Variants in SPIRE1 observed in about 807,000 individuals in gnomAD.
SPIRE1 encodes protein spire homolog 1.
Under a neutral mutation model 94.1 loss-of-function variants are expected in SPIRE1, and 40 were observed. The observed-to-expected ratio is 0.43, with a 90% CI of 0.33 to 0.55. The LOEUF (loss-of-function observed/expected upper bound fraction) is 0.55, where lower values mean the gene tolerates loss of function less well. SPIRE1 is among the 20% of genes least tolerant of loss of function. The pLI is 0.06. For missense variants in SPIRE1, 838 were observed against 975.2 expected, an observed-to-expected ratio of 0.86 and a Z score of 1.87; for synonymous variants, 376 against 371.7, an observed-to-expected ratio of 1.01 and a Z score of -0.13.
intron 6 of SPIRE1, among the ~76,000 whole-genome samples, chr18:12,501,072 C>CAAAAAAAAAAAA (rs67894900): frequency 6.1e-3 from 485 of 80,084 alleles, no homozygotes; most frequent in South Asian, 0.01. Context: ...AACTCTGTCT[C>CAAAAAAAAAAAA]AAAAAAAAAA....
chr18:12,660,116 C>T (rs1401234654), upstream of SPIRE1, among the ~76,000 whole-genome samples: 2 of 152,092 alleles, frequency 1.3e-5, no homozygotes, highest in African/African-American at 4.8e-5. Context: ...CTTTGCCTTA[C>T]CCACCAGTAA....
At chr18:12,523,857 T>A (rs552200507) in intron 4 of SPIRE1, among the ~76,000 whole-genome samples, 34 of 152,276 alleles carry the variant, frequency 2.2e-4, no homozygotes, top group African/African-American at 7.2e-4. Context: ...TTAATTTTTT[T>A]AAAAACTATT....
rs2031913588 is a variant in SPIRE1, at chr18:12,462,644, G to C, written c.1638+707C>G. 2.6e-5 allele frequency among the ~76,000 whole-genome samples: 4 copies of C among 152,116 alleles called. 1 individual carries two copies. The South Asian group carries it at 8.3e-4, about 32-fold the overall frequency. Reference sequence around the variant, plus strand: ...GCCCCAAATATCACAAAACATACTAGAAAACAATGTACAGTAGTTATTAAT... The same window carrying C: ...GCCCCAAATATCACAAAACATACTACAAAACAATGTACAGTAGTTATTAAT... On this transcript the variant is annotated intron_variant, in intron 12 of 16. Transcript: ENST00000409402.
intron 9 of SPIRE1, 137 bp from the exon 10 acceptor site, chr18:12,480,008 T>A (rs1270666469): frequency 1.5e-6 from 1 of 654,474 alleles, no homozygotes; most frequent in Non-Finnish European, 2.4e-6. Flanking sequence ...TATAGAAAAC[T>A]TCTTCTGGTT....
At chr18:12,523,372 A>G (rs1454504045) in intron 4 of SPIRE1, among the ~76,000 whole-genome samples, 1 of 152,258 alleles carries the variant, frequency 6.6e-6, no homozygotes, top group Non-Finnish European at 1.5e-5. Flanking sequence ...TGCTGTGCAC[A>G]TTATTGACAT....
intron 4 of SPIRE1, chr18:12,516,310 C>G (rs2144061875): frequency 6.6e-6 from 1 of 152,316 alleles, no homozygotes; most frequent in South Asian, 2.1e-4. Flanking sequence ...ATCTCCTGGC[C>G]ACTGTGACTG....
At chr18:12,485,271 A>AT (rs1270262660) in intron 9 of SPIRE1, among the ~76,000 whole-genome samples, 2 of 151,774 alleles carry the variant, frequency 1.3e-5, no homozygotes, top group Admixed American at 6.6e-5. Flanking sequence ...CGCCTGGCTA[A>AT]TTTTTTTGTA....
chr18:12,522,493 A>G (rs2144105459), intron 4 of SPIRE1, among the ~76,000 whole-genome samples: 1 of 152,386 alleles, frequency 6.6e-6, no homozygotes, highest in South Asian at 2.1e-4. Context: ...TAAATTATCA[A>G]GAAGATGTAG....
At chr18:12,492,057 C>T (rs187899613) in intron 8 of SPIRE1, among the ~76,000 whole-genome samples, 1 of 152,318 alleles carries the variant, frequency 6.6e-6, no homozygotes, top group African/African-American at 2.4e-5. Context: ...TGATAAGGCT[C>T]TATCTAGCAG....
At chr18:12,472,040 C>T (rs1304498854) in intron 10 of SPIRE1, among the ~76,000 whole-genome samples, 1 of 152,118 alleles carries the variant, frequency 6.6e-6, no homozygotes, top group Non-Finnish European at 1.5e-5. Flanking sequence ...CCACCTTGGC[C>T]TCCCAAAGTG....
chr18:12,452,518 A>C lies in SPIRE1; in HGVS notation c.1848-6T>G. ...AACACTGTGAGCACACCGGCCTGTAAACAAAATCATAAATGTTATTTGGCA... is the reference window on the plus strand; with the variant it reads ...AACACTGTGAGCACACCGGCCTGTACACAAAATCATAAATGTTATTTGGCA... On this transcript the variant is annotated splice_region_variant and splice_polypyrimidine_tract_variant and intron_variant, in intron 14 of 16. Transcript: ENST00000409402. 6.2e-7 allele frequency: 1 copy of C among 1,613,876 alleles called. No individual in the cohort carries two copies. Among genetic ancestry groups the C allele is most frequent in the South Asian group, 1.1e-5 (1 of 91,084 alleles).
At chr18:12,520,923 G>C (rs2034338620) in intron 4 of SPIRE1, among the ~76,000 whole-genome samples, 1 of 152,178 alleles carries the variant, frequency 6.6e-6, no homozygotes, top group African/African-American at 2.4e-5. Flanking sequence ...TTGAAGTCAT[G>C]TCACAAACAG....
chr18:12,473,875 T>C (rs9963004), intron 10 of SPIRE1, among the ~76,000 whole-genome samples: 111 of 152,328 alleles, frequency 7.3e-4, no homozygotes, highest in African/African-American at 2.4e-3. Flanking sequence ...TGTCATCAAA[T>C]GAAAACTCTG....
chr18:12,601,759 T>G (rs1428658381), intron 2 of SPIRE1, among the ~76,000 whole-genome samples: 1 of 152,192 alleles, frequency 6.6e-6, no homozygotes, highest in Non-Finnish European at 1.5e-5. Flanking sequence ...TTTTTCACAG[T>G]GCCTGTTTTC....
At chr18:12,551,863 C>T (rs2035360297) in intron 2 of SPIRE1, among the ~76,000 whole-genome samples, 1 of 152,100 alleles carries the variant, frequency 6.6e-6, no homozygotes, top group African/African-American at 2.4e-5. Flanking sequence ...AACTTCAGAC[C>T]ACCGAAAGAG....
chr18:12,637,116 T>C (rs577836535), intron 1 of SPIRE1, among the ~76,000 whole-genome samples: 2 of 152,218 alleles, frequency 1.3e-5, no homozygotes, highest in Admixed American at 6.5e-5. Context: ...TCCCAGCACT[T>C]TGGGAGACCG....
At chr18:12,541,088 T>G (rs928999701) in intron 3 of SPIRE1, among the ~76,000 whole-genome samples, 9 of 152,162 alleles carry the variant, frequency 5.9e-5, no homozygotes, top group African/African-American at 2.2e-4. Flanking sequence ...CCACTGTGAT[T>G]TCTTCTTTGA....
intron 2 of SPIRE1, among the ~76,000 whole-genome samples, chr18:12,586,615 T>A (rs1328786290): frequency 6.6e-6 from 1 of 152,250 alleles, no homozygotes; most frequent in Non-Finnish European, 1.5e-5. Context: ...ATAACATCCA[T>A]TTACAAGTTT....
At chr18:12,661,660 A>G (rs1197629962), upstream of SPIRE1, among the ~76,000 whole-genome samples, 5 of 151,986 alleles carry the variant, frequency 3.3e-5, no homozygotes, top group Non-Finnish European at 7.4e-5. Context: ...CTGTAATCCC[A>G]GCTACTCGGG....
Sources: allele counts gnomAD v4.1 joint callset (sites outside exome capture counted in the v4.1 genomes callset), GRCh38; gene constraint gnomAD v4.1.1; transcripts MANE v1.5; gene names NCBI Gene and HGNC (gene_info 2026-07-23, HGNC 2026-07-21).